BCL2L15: variants seen among roughly 807,000 people sequenced by gnomAD.
BCL2L15 encodes BCL2 like 15.
Under a neutral mutation model 18.3 loss-of-function variants are expected in BCL2L15, and 15 were observed. That is an observed-to-expected ratio of 0.82 (90% CI 0.55 to 1.26). The LOEUF (loss-of-function observed/expected upper bound fraction) is 1.26. Ranked by LOEUF, BCL2L15 falls within the 50% of genes most tolerant of loss-of-function variation. The pLI is 0.00. For synonymous variants in BCL2L15, 58 were observed against 68.5 expected (o/e 0.85, Z 0.76); for missense variants, 180 against 201.7 (o/e 0.89, Z 0.65).
chr1:113,885,611 A>AG (rs1667005898), intron 2 of BCL2L15, among the ~76,000 whole-genome samples: 1 of 151,774 alleles, frequency 6.6e-6, no homozygotes, highest in Admixed American at 6.6e-5. Context: ...TGGTAGAGAC[A>AG]GGGATTCTCC....
intron 3 of BCL2L15, chr1:113,881,495 T>C (rs1310953743): frequency 1.5e-6 from 2 of 1,355,980 alleles, no homozygotes; most frequent in Admixed American, 3.2e-5. Context: ...ATCATGAATA[T>C]ACTTTATAGA....
chr1:113,881,226 C>T, intron 3 of BCL2L15, 86 bp from the exon 4 acceptor site: 2 of 1,581,638 alleles, frequency 1.3e-6, no homozygotes, highest in South Asian at 2.2e-5. Context: ...GCAGATAGCT[C>T]CAGGAAATGT....
At chr1:113,882,437 G>C (rs567392551) in intron 2 of BCL2L15, among the ~76,000 whole-genome samples, 5 of 152,252 alleles carry the variant, frequency 3.3e-5, no homozygotes, top group Non-Finnish European at 7.4e-5. Flanking sequence ...CTGAGGTCAG[G>C]AGTTCAAGAC....
intron 2 of BCL2L15, among the ~76,000 whole-genome samples, 169 bp from the exon 3 acceptor site, chr1:113,882,166 T>C (rs1018694960): frequency 7.9e-5 from 12 of 152,206 alleles, no homozygotes; most frequent in Admixed American, 7.9e-4. Context: ...ATTTTAATAT[T>C]TTGTTATCTT....
intron 1 of BCL2L15, among the ~76,000 whole-genome samples, chr1:113,887,024 T>C (rs375707613): frequency 6.6e-6 from 1 of 151,868 alleles, no homozygotes; most frequent in South Asian, 2.1e-4. Flanking sequence ...CAGTCTCCCA[T>C]GTAGCTGGGA....
chr1:113,881,801 CG>C lies in BCL2L15; in HGVS notation c.445del (p.Arg149GlyfsTer55), dbSNP rs757582724. On this transcript the variant is annotated frameshift_variant, in exon 3 of 4. Coordinates refer to ENST00000393316, the MANE Select transcript of BCL2L15 (RefSeq NM_001010922.3). LOFTEE classifies it high-confidence loss of function. ...TGMINGNQAI[R>X]EFIQGQGGWE... ...ACCTCCCTGGCCCTGGATGAACTCC[CG>C]GATGGCTTGGTTCCCATTGATCATA... 6.2e-7 allele frequency: 1 copy of C among 1,614,172 alleles called. No individual in the cohort carries two copies. The highest frequency in any genetic ancestry group is 8.5e-7 in the Non-Finnish European group (1 of 1,180,012).
In BCL2L15 at chr1:113,877,768, C is replaced by T. The variant is rs368639511; in HGVS notation, c.*3355G>A. Among the ~76,000 whole-genome samples the T allele has an allele frequency of 7.9e-5, 12 of 152,192 alleles. No individual in the cohort carries two copies. In the East Asian group the frequency reaches 2.1e-3, roughly 27 times the overall value. The stretch of plus-strand genomic sequence containing the variant: ...CTAAGTAGGAGGCTTTATTAATAGT[C>T]CAGGCAGTTGCTAATAAATCTGGTA... On this transcript the variant is annotated 3_prime_UTR_variant, in exon 4 of 4. Coordinates refer to ENST00000393316, the MANE Select transcript of BCL2L15 (RefSeq NM_001010922.3).
rs113630237 is a variant in BCL2L15 at position 113,881,030 on chromosome 1, GC to G, written c.*92del. 1.9e-6 allele frequency: 3 copies of G among 1,566,384 alleles called. No individual in the cohort carries two copies. The highest frequency in any genetic ancestry group is 1.8e-6 in the Non-Finnish European group (2 of 1,138,886). On this transcript the variant is annotated 3_prime_UTR_variant, in exon 4 of 4. Coordinates refer to ENST00000393316, the MANE Select transcript of BCL2L15 (RefSeq NM_001010922.3). ...TCAGTTCTGATAAAATGAAAAAAGT[GC>G]TTTTTTATTTGTTTGTTTGAATTCC... is the stretch of plus-strand genomic sequence containing the variant.
intron 3 of BCL2L15, 39 bp from the exon 4 acceptor site, chr1:113,881,179 G>A: frequency 6.2e-7 from 1 of 1,613,600 alleles, no homozygotes; most frequent in East Asian, 2.2e-5. Flanking sequence ...CAAAGGAATT[G>A]CTTTCAGGAA....
At chr1:113,881,277 GA>G in intron 3 of BCL2L15, 137 bp from the exon 4 acceptor site, 1 of 1,332,620 alleles carries the variant, frequency 7.5e-7, no homozygotes, top group Non-Finnish European at 1.1e-6. Context: ...AAATGGAAAG[GA>G]GTGCTCTATG....
At position 113,880,023 on chromosome 1, in the gene BCL2L15, C is replaced by G. The variant is rs533201370; in HGVS notation, c.*1100G>C. 1 of 152,190 alleles carries G rather than the reference C, an allele frequency of 6.6e-6. No homozygotes were observed. The highest frequency in any genetic ancestry group is 2.4e-5 in the African/African-American group (1 of 41,538). 9.4% of individuals were successfully genotyped at this position (152,190 alleles called of 1,614,324 possible). A position where few individuals can be genotyped will look rare whatever the true frequency, so the allele number is the denominator to read the frequency against. ...TACAGAATCAGAATCTCTAGGAATG[C>G]GAATCAGCAATTCAATAAGGTCCAC... is the stretch of plus-strand genomic sequence containing the variant. On this transcript the variant is annotated 3_prime_UTR_variant, in exon 4 of 4. Transcript: ENST00000393316.
rs931880038 is a variant in BCL2L15, at chr1:113,880,971, A to C, written c.*152T>G. ...GCCTCTGGCAGCTGCTCCCAACTTT[A>C]ACAATCAGTAAAAAATAACTTATTC... On this transcript the variant is annotated 3_prime_UTR_variant, in exon 4 of 4. Transcript: ENST00000393316. 1.8e-6 allele frequency: 2 copies of C among 1,135,752 alleles called. No individual in the cohort carries two copies. Among genetic ancestry groups the C allele is most frequent in the African/African-American group, 3.1e-5 (2 of 64,504 alleles). The allele number at this position is 1,135,752 out of a possible 1,614,324, so 70.4% of individuals were successfully genotyped here. A position where few individuals can be genotyped will look rare whatever the true frequency, so the allele number is the denominator to read the frequency against.
At position 113,881,384 on chromosome 1, in the gene BCL2L15, G is replaced by A. The variant is rs972010206; in HGVS notation, c.475-244C>T. The A allele has an allele frequency of 2.8e-6, 3 of 1,089,546 alleles. No individual in the cohort carries two copies. The African/African-American group carries it at 4.7e-5, about 17-fold the overall frequency. 67.5% of individuals were successfully genotyped at this position (1,089,546 alleles called of 1,614,324 possible). A position where few individuals can be genotyped will look rare whatever the true frequency, so the allele number is the denominator to read the frequency against. On this transcript the variant is annotated intron_variant, in intron 3 of 3. Coordinates refer to ENST00000393316, the MANE Select transcript of BCL2L15 (RefSeq NM_001010922.3). Reference sequence around the variant, plus strand: ...ACTGTTTTTTCTTAGATACTATTAAGGTGATTCTGACTTCCCTAACACACA... The same window carrying A: ...ACTGTTTTTTCTTAGATACTATTAAAGTGATTCTGACTTCCCTAACACACA...
chr1:113,878,814 T>C lies in BCL2L15; in HGVS notation c.*2309A>G, dbSNP rs191091904. 1 of 152,274 alleles carries C rather than the reference T, an allele frequency of 6.6e-6. No individual in the cohort carries two copies. Among genetic ancestry groups the C allele is most frequent in the Admixed American group, 6.5e-5 (1 of 15,270 alleles). The allele number at this position is 152,274 out of a possible 1,614,324, so 9.4% of individuals were successfully genotyped here. A position where few individuals can be genotyped will look rare whatever the true frequency, so the allele number is the denominator to read the frequency against. On this transcript the variant is annotated 3_prime_UTR_variant, in exon 4 of 4. Transcript: ENST00000393316. ...TTTATGGATTACTAACTTGTTGTGA[T>C]TTAACTAGGAATAGAGGAAAAAGCA...
intron 2 of BCL2L15, among the ~76,000 whole-genome samples, chr1:113,882,370 G>C (rs2476594): frequency 0.76 from 115,033 of 152,228 alleles, 44,452 homozygotes; most frequent in African/African-American, 0.92. Context: ...AAAGGCCGGG[G>C]GCAGTGGCTC....
Position 113,880,774 on chromosome 1 carries a change from A to G in BCL2L15, c.*349T>C, listed in dbSNP as rs1333744130. The G allele has an allele frequency of 4.1e-6, 1 of 242,472 alleles. No homozygotes were observed. Among genetic ancestry groups the G allele is most frequent in the African/African-American group, 2.2e-5 (1 of 44,494 alleles). The allele number at this position is 242,472 out of a possible 1,614,324, so 15.0% of individuals were successfully genotyped here. ...CCCTTTCTCTCAAAATACCTCCAGCAAAGGCCTGCCCTGTTGCTTATAATT... is the reference window on the plus strand; with the variant it reads ...CCCTTTCTCTCAAAATACCTCCAGCGAAGGCCTGCCCTGTTGCTTATAATT... On this transcript the variant is annotated 3_prime_UTR_variant, in exon 4 of 4. Coordinates refer to ENST00000393316, the MANE Select transcript of BCL2L15 (RefSeq NM_001010922.3).
Position 113,881,977 on chromosome 1 carries a change from G to T in BCL2L15, c.270C>A (p.Asp90Glu). The T allele has an allele frequency of 6.2e-7, 1 of 1,613,842 alleles. No individual in the cohort carries two copies. The highest frequency in any genetic ancestry group is 8.5e-7 in the Non-Finnish European group (1 of 1,179,744). Residue 90 changes from aspartate (D) to glutamate (E), a missense_variant, in exon 3 of 4, where the codon GAC becomes GAA. By Grantham distance (45) the Asp-to-Glu change is conservative. Coordinates refer to ENST00000393316, the MANE Select transcript of BCL2L15 (RefSeq NM_001010922.3). ...AGGTCTTGCTGAGAGATTCCACAGT[G>T]TCCTGGAGTATAGCTCCTGTCTGAG... ...IKGQTGAILQ[D>E]TVESLSKTWC...
At position 113,887,488 on chromosome 1, in the gene BCL2L15, TG is replaced by T; in HGVS notation, c.-114del. 18 of 1,435,328 alleles carry T rather than the reference TG, an allele frequency of 1.3e-5. No individual in the cohort carries two copies. The highest frequency in any genetic ancestry group is 1.7e-5 in the Non-Finnish European group (18 of 1,044,226). The allele number at this position is 1,435,328 out of a possible 1,614,324, so 88.9% of individuals were successfully genotyped here. On this transcript the variant is annotated 5_prime_UTR_variant, in exon 1 of 4. The change creates a premature stop within an existing upstream ORF in the 5' untranslated region. Transcript: ENST00000393316. ...AATGTTTCTACCTCTTGTAGTTTCCTGACATGTAATCCTGGAACTTTTCCCA... is the reference window on the plus strand; with the variant it reads ...AATGTTTCTACCTCTTGTAGTTTCCTACATGTAATCCTGGAACTTTTCCCA...
rs1267460443 is a variant in BCL2L15, at chr1:113,880,582, C to T, written c.*541G>A. 1 of 153,052 alleles carries T rather than the reference C, an allele frequency of 6.5e-6. No individual in the cohort carries two copies. Among genetic ancestry groups the T allele is most frequent in the African/African-American group, 2.4e-5 (1 of 41,376 alleles). 9.5% of individuals were successfully genotyped at this position (153,052 alleles called of 1,614,324 possible). The stretch of plus-strand genomic sequence containing the variant: ...TGGAGCTTGCAGTGAGCTGAGATCG[C>T]ACCACTGCACTCCAGCCTGGGTGAC... On this transcript the variant is annotated 3_prime_UTR_variant, in exon 4 of 4. Transcript: ENST00000393316.
Sources: allele counts gnomAD v4.1 joint callset (sites outside exome capture counted in the v4.1 genomes callset), GRCh38; gene constraint gnomAD v4.1.1; transcripts MANE v1.5; gene names NCBI Gene and HGNC (gene_info 2026-07-23, HGNC 2026-07-21).